Variants in LNX1 observed in about 807,000 individuals in gnomAD.
The protein encoded by LNX1 is E3 ubiquitin-protein ligase LNX.
Under a neutral mutation model 68.4 loss-of-function variants are expected in LNX1, and 54 were observed. The ratio of observed to expected loss-of-function variants is 0.79; its 90% CI spans 0.63 to 0.99. LNX1 has a LOEUF of 0.99. Ranked by LOEUF, LNX1 falls within the 50% of genes least tolerant of loss-of-function variation. The pLI is 0.00. For missense variants in LNX1, 906 were observed against 926.4 expected (o/e 0.98, Z 0.29); for synonymous variants, 336 against 350.0 (o/e 0.96, Z 0.45).
At chr4:53,639,239 C>G (rs1734588371) in intron 1 of LNX1, among the ~76,000 whole-genome samples, 2 of 152,146 alleles carry the variant, frequency 1.3e-5, no homozygotes, top group Non-Finnish European at 2.9e-5. Context: ...GAACAGAAAA[C>G]CAAATACTGC....
intron 2 of LNX1, among the ~76,000 whole-genome samples, chr4:53,522,602 T>C (rs1057405305): frequency 3.9e-5 from 6 of 152,240 alleles, no homozygotes; most frequent in African/African-American, 1.4e-4. Flanking sequence ...CTGTCTTTTG[T>C]ATCCTCCACT....
At chr4:53,559,141 C>T (rs1325458357) in intron 2 of LNX1, among the ~76,000 whole-genome samples, 1 of 152,102 alleles carries the variant, frequency 6.6e-6, no homozygotes, top group East Asian at 1.9e-4. Flanking sequence ...GGAAGTAGAC[C>T]AGAGAAAAGT....
intron 2 of LNX1, among the ~76,000 whole-genome samples, chr4:53,566,406 G>T (rs916569541): frequency 1.3e-5 from 2 of 151,926 alleles, no homozygotes; most frequent in African/African-American, 2.4e-5. Flanking sequence ...CTAAGCTTCA[G>T]AAGTGAAGGA....
chr4:53,510,693 C>G (rs1726266073), intron 2 of LNX1, among the ~76,000 whole-genome samples: 2 of 152,330 alleles, frequency 1.3e-5, no homozygotes, highest in South Asian at 4.1e-4. Flanking sequence ...CACTTCCAGG[C>G]AGGCTGGTAG....
intron 1 of LNX1, among the ~76,000 whole-genome samples, chr4:53,580,180 A>C (rs1180392838): frequency 6.6e-6 from 1 of 152,190 alleles, no homozygotes; most frequent in Non-Finnish European, 1.5e-5. Context: ...CCACATAATG[A>C]GCAAAATTTT....
intron 4 of LNX1, among the ~76,000 whole-genome samples, chr4:53,502,551 C>CT (rs1560631381): frequency 6.6e-6 from 1 of 152,172 alleles, no homozygotes; most frequent in Non-Finnish European, 1.5e-5. Flanking sequence ...TTGATGGCTG[C>CT]TGACTGATCA....
Position 53,507,969 on chromosome 4 carries a change from C to T in LNX1, c.622+17G>A. On this transcript the variant is annotated intron_variant, in intron 3 of 10. Coordinates refer to ENST00000263925, the MANE Select transcript of LNX1 (RefSeq NM_001126328.3). The stretch of plus-strand genomic sequence containing the variant: ...AGCCAAGGAGCCCATTCCCGGACAA[C>T]CACCCATTTGACTCACCCCTAGTTC... 6.2e-7 allele frequency: 1 copy of T among 1,604,230 alleles called. No homozygotes were observed. Among genetic ancestry groups the T allele is most frequent in the Admixed American group, 1.7e-5 (1 of 59,790 alleles).
Position 53,489,175 on chromosome 4 carries a change from T to G in LNX1, c.1350+6848A>C, listed in dbSNP as rs546465057. Among the ~76,000 whole-genome samples the G allele has an allele frequency of 2.6e-5, 4 of 152,262 alleles. No homozygotes were observed. The East Asian group carries it at 7.7e-4, about 29-fold the overall frequency. On this transcript the variant is annotated intron_variant, in intron 6 of 10. Transcript: ENST00000263925. ...GCTGAAGAGGTGGTAGCTCCTTCAA[T>G]GAGCTAAAAGCAATCAGTCTGGCCA... is the stretch of plus-strand genomic sequence containing the variant.
intron 2 of LNX1, among the ~76,000 whole-genome samples, chr4:53,605,661 T>C (rs2109841003): frequency 1.3e-5 from 2 of 152,324 alleles, no homozygotes; most frequent in East Asian, 3.9e-4. Context: ...AAATTCCATA[T>C]ATAAGTGAAA....
chr4:53,558,927 C>T (rs988069323), intron 2 of LNX1, among the ~76,000 whole-genome samples: 4 of 152,166 alleles, frequency 2.6e-5, no homozygotes, highest in Admixed American at 2.0e-4. Context: ...ACTGCATCAC[C>T]GGCCTCAACA....
intron 1 of LNX1, among the ~76,000 whole-genome samples, chr4:53,649,239 C>T (rs1408195124): frequency 2.6e-5 from 4 of 152,076 alleles, no homozygotes; most frequent in African/African-American, 9.7e-5. Flanking sequence ...CCTTTTTGAT[C>T]CACCTACTGG....
Position 53,568,171 on chromosome 4 carries a change from A to G in LNX1, c.380+5452T>C, listed in dbSNP as rs193126931. On this transcript the variant is annotated intron_variant, in intron 2 of 10. Coordinates refer to ENST00000263925, the MANE Select transcript of LNX1 (RefSeq NM_001126328.3). The stretch of plus-strand genomic sequence containing the variant: ...TGAGGCCAGCTTCATTCTGATACCA[A>G]AGCCGGGCAGAGACACAACCAAAAA... Among the ~76,000 whole-genome samples the G allele has an allele frequency of 3.8e-3, 576 of 152,116 alleles. 2 individuals carry two copies. The highest frequency in any genetic ancestry group is 0.013 in the African/African-American group (553 of 41,372).
intron 1 of LNX1, among the ~76,000 whole-genome samples, chr4:53,633,393 T>C (rs565974684): frequency 2.4e-4 from 36 of 152,342 alleles, no homozygotes; most frequent in Non-Finnish European, 3.8e-4. Context: ...CTTCCTCATA[T>C]TATTGCTTCT....
At chr4:53,538,800 AG>A (rs1413197440) in intron 2 of LNX1, among the ~76,000 whole-genome samples, 2 of 152,248 alleles carry the variant, frequency 1.3e-5, no homozygotes, top group African/African-American at 4.8e-5. Context: ...AAGCCAGGAA[AG>A]GCTAAACATT....
chr4:53,503,442 A>G (rs1461718949), intron 4 of LNX1, among the ~76,000 whole-genome samples: 1 of 152,236 alleles, frequency 6.6e-6, no homozygotes, highest in Non-Finnish European at 1.5e-5. Context: ...TGAAAACATC[A>G]TTACTCTTGC....
chr4:53,489,673 C>G (rs1023879655), intron 6 of LNX1, among the ~76,000 whole-genome samples: 1 of 152,054 alleles, frequency 6.6e-6, no homozygotes, highest in Non-Finnish European at 1.5e-5. Flanking sequence ...TCATGAAATT[C>G]TAAGTTGAAA....
At chr4:53,473,983 T>C (rs758253773) in intron 9 of LNX1, among the ~76,000 whole-genome samples, 3 of 152,212 alleles carry the variant, frequency 2.0e-5, no homozygotes, top group East Asian at 3.9e-4. Flanking sequence ...AAGCCACATA[T>C]GGAGGGAAAG....
chr4:53,597,193 T>C (rs1385414588), intron 2 of LNX1, among the ~76,000 whole-genome samples: 4 of 152,170 alleles, frequency 2.6e-5, no homozygotes, highest in African/African-American at 7.2e-5. Context: ...GCTGCACTTG[T>C]CACTCTCCTT....
chr4:53,554,003 T>C (rs1331532392), intron 2 of LNX1, among the ~76,000 whole-genome samples: 2 of 152,174 alleles, frequency 1.3e-5, no homozygotes, highest in Non-Finnish European at 2.9e-5. Context: ...TCATTCCTTA[T>C]CTATGAGAAA....
Sources: allele counts gnomAD v4.1 joint callset (sites outside exome capture counted in the v4.1 genomes callset), GRCh38; gene constraint gnomAD v4.1.1; transcripts MANE v1.5; gene names NCBI Gene and HGNC (gene_info 2026-07-23, HGNC 2026-07-21).